Variants in MCM5 observed in about 807,000 individuals in gnomAD.
MCM5 encodes the protein DNA replication licensing factor MCM5.
MCM5 carries 46 observed loss-of-function variants against 79.9 expected under a neutral mutation model. That is an observed-to-expected ratio of 0.58 (90% CI 0.45 to 0.74). MCM5 has a LOEUF of 0.74. Among genes scored for constraint, MCM5 ranks in the 30% least tolerant of loss-of-function variants. The probability of loss-of-function intolerance (pLI) is 0.00; values close to 1 mark genes in which losing one functional copy is unlikely to be tolerated. For synonymous variants in MCM5, 404 were observed against 390.5 expected (o/e 1.03, Z -0.41); for missense variants, 883 against 1,017.0 (o/e 0.87, Z 1.79).
rs770893436 is a variant in MCM5, at chr22:35,413,889, T to C, written c.1106T>C (p.Leu369Pro). ...TCGTCCCCCAGGCTCCCTGATGGAC[T>C]TACTCGCCGAGGAGACATCAACCTG... ...GGSRKRLPDG[L>P]TRRGDINLLM... Residue 369 changes from leucine (L) to proline (P), a missense_variant, in exon 9 of 17, where the codon CTT (leucine) becomes CCT (proline). Leu to Pro is a moderately conservative substitution (Grantham distance 98). This residue lies in a region of MCM5 where 455 missense variants were observed against 517.5 expected (regional missense o/e 0.88). Transcript: ENST00000216122. The C allele has an allele frequency of 2.5e-6, 4 of 1,611,372 alleles. No individual in the cohort carries two copies. Among genetic ancestry groups the C allele is most frequent in the Non-Finnish European group, 2.5e-6 (3 of 1,177,460 alleles).
At chr22:35,423,051 TCTC>T (rs1932734229) in intron 15 of MCM5, 160 bp from the exon 16 acceptor site, 1 of 584,104 alleles carries the variant, frequency 1.7e-6, no homozygotes, top group South Asian at 2.9e-5. Flanking sequence ...CCATATCCTG[TCTC>T]CTCAATCAGG....
Position 35,400,422 on chromosome 22 carries a change from C to A in MCM5, c.-8-9C>A. Reference sequence around the variant, plus strand: ...CCCAGCCTGTTCTGGCCGTTTGTTCCCACCCCAGGCGCAGTCATGTCGGGA... The same window carrying A: ...CCCAGCCTGTTCTGGCCGTTTGTTCACACCCCAGGCGCAGTCATGTCGGGA... On this transcript the variant is annotated splice_polypyrimidine_tract_variant and intron_variant, in intron 1 of 16. Coordinates refer to ENST00000216122, the MANE Select transcript of MCM5 (RefSeq NM_006739.4). The A allele has an allele frequency of 1.2e-6, 2 of 1,613,970 alleles. No individual in the cohort carries two copies. Among genetic ancestry groups the A allele is most frequent in the Non-Finnish European group, 1.7e-6 (2 of 1,179,910 alleles).
In MCM5 at chr22:35,410,862, A is replaced by G. The variant is rs1482831731; in HGVS notation, c.871A>G (p.Ser291Gly). 6 of 1,613,132 alleles carry G rather than the reference A, an allele frequency of 3.7e-6. No individual in the cohort carries two copies. Among genetic ancestry groups the G allele is most frequent in the Non-Finnish European group, 5.1e-6 (6 of 1,179,370 alleles). ...TGACAGGGTGGGCGTGGGCATCCGA[A>G]GCTCCTACATCCGTGTCCTGGGCAT... ...GRDRVGVGIR[S>G]SYIRVLGIQV... Residue 291 changes from serine (S) to glycine (G), a missense_variant, in exon 7 of 17, where the codon AGC becomes GGC. Transcript: ENST00000216122.
chr22:35,410,974 A>G, intron 7 of MCM5, 64 bp downstream of exon 7: 1 of 1,475,396 alleles, frequency 6.8e-7, no homozygotes, highest in East Asian at 2.3e-5. Flanking sequence ...ACTTCTGGTA[A>G]CAGGCAGCTC....
rs1163184534 is a variant in MCM5 at position 35,416,472 on chromosome 22, C to T, written c.1413+68C>T. 16 of 1,537,278 alleles carry T rather than the reference C, an allele frequency of 1.0e-5. No homozygotes were observed. The Admixed American group carries it at 2.4e-4, about 23-fold the overall frequency. ...CGTGGCCCAACCGTCCTCAGGCTGC[C>T]CTGATTGGGACCAAGTTCTCTTTGC... On this transcript the variant is annotated intron_variant, in intron 11 of 16. Coordinates refer to ENST00000216122, the MANE Select transcript of MCM5 (RefSeq NM_006739.4).
At chr22:35,443,561 G>C in the MCM5 span, among the ~76,000 whole-genome samples, 2 of 152,206 alleles carry the variant, frequency 1.3e-5, no homozygotes, top group South Asian at 2.1e-4. Context: ...ACCCTGGTCT[G>C]GCCTGTGAAT....
downstream of MCM5, among the ~76,000 whole-genome samples, chr22:35,426,863 GTC>G (rs1206896912): frequency 1.3e-5 from 2 of 152,164 alleles, no homozygotes; most frequent in African/African-American, 4.8e-5. Context: ...GGCTGCATGG[GTC>G]TCTCAACTTC....
In MCM5 at chr22:35,412,645, C is replaced by T; in HGVS notation, c.1055C>T (p.Ala352Val). 2.0e-6 allele frequency: 3 copies of T among 1,535,104 alleles called. No homozygotes were observed. The highest frequency in any genetic ancestry group is 2.6e-6 in the Non-Finnish European group (3 of 1,134,648). The change falls in exon 8 of 17, where the codon GCC becomes GTC. Residue 352 changes from alanine (A) to valine (V), a missense_variant. Ala to Val is a moderately conservative substitution (Grantham distance 64). Around this residue, in one of 3 missense-constraint regions of MCM5, gnomAD observed 455 missense variants for 517.5 expected, o/e 0.88. Coordinates refer to ENST00000216122, the MANE Select transcript of MCM5 (RefSeq NM_006739.4). ...SIFGGTDMKK[A>V]IACLLFGGSR... ...TTTGGGGGCACAGACATGAAGAAGG[C>T]CATTGCCTGCCTGCTCTTTGGGGGC... is the stretch of plus-strand genomic sequence containing the variant.
At chr22:35,410,594 C>T (rs759043151) in intron 6 of MCM5, 150 bp from the exon 7 acceptor site, 2 of 742,848 alleles carry the variant, frequency 2.7e-6, no homozygotes, top group Non-Finnish European at 4.9e-6. Context: ...GTTCTCTGGG[C>T]TCCGTGGGGC....
chr22:35,423,111 C>CG (rs1400309004), intron 15 of MCM5, 103 bp from the exon 16 acceptor site: 1 of 1,319,252 alleles, frequency 7.6e-7, no homozygotes, highest in Non-Finnish European at 1.0e-6. Flanking sequence ...ACTTACTCTT[C>CG]GGGGCCTGGC....
chr22:35,406,436 C>T (rs2145786070), intron 4 of MCM5, 117 bp from the exon 5 acceptor site: 1 of 888,334 alleles, frequency 1.1e-6, no homozygotes, highest in African/African-American at 1.7e-5. Flanking sequence ...GAGCTGTGGC[C>T]CTCCCTGCAG....
chr22:35,406,771 G>C (rs763036198), intron 5 of MCM5, 46 bp downstream of exon 5: 1 of 1,584,072 alleles, frequency 6.3e-7, no homozygotes, highest in Admixed American at 1.7e-5. Context: ...CCTGAGTGAA[G>C]ATCAGAAAGG....
chr22:35,441,499 A>C, the MCM5 span, among the ~76,000 whole-genome samples: 1 of 152,184 alleles, frequency 6.6e-6, no homozygotes, highest in Non-Finnish European at 1.5e-5. Flanking sequence ...ACACAGCCCC[A>C]TAGAGTAGGT....
downstream of MCM5, among the ~76,000 whole-genome samples, chr22:35,427,496 A>ATT (rs753028521): frequency 3.4e-4 from 45 of 133,622 alleles, no homozygotes; most frequent in African/African-American, 4.7e-4. Flanking sequence ...TATTTAACAC[A>ATT]TTTTTTTTTT....
In MCM5 at chr22:35,408,597, G is replaced by A. The variant is rs748170155; in HGVS notation, c.752+34G>A. Reference sequence around the variant, plus strand: ...GACGGGCTGGGAGGTGGGCATCTACGACGGTGGATGTCCCAGCTGTGGCCC... The same window carrying A: ...GACGGGCTGGGAGGTGGGCATCTACAACGGTGGATGTCCCAGCTGTGGCCC... On this transcript the variant is annotated intron_variant, in intron 6 of 16. Transcript: ENST00000216122. 16 of 1,588,092 alleles carry A rather than the reference G, an allele frequency of 1.0e-5. No homozygotes were observed. In the African/African-American group the frequency reaches 1.1e-4, roughly 11 times the overall value.
the MCM5 span, among the ~76,000 whole-genome samples, chr22:35,436,026 G>A: frequency 6.6e-6 from 1 of 151,962 alleles, no homozygotes. Context: ...AATTAGCTGG[G>A]CATGGTGGTG....
chr22:35,417,973 T>G, intron 13 of MCM5, 117 bp downstream of exon 13: 1 of 702,006 alleles, frequency 1.4e-6, no homozygotes, highest in Non-Finnish European at 2.6e-6. Flanking sequence ...GTTGCTGTTC[T>G]GAGGTTCTCA....
intron 12 of MCM5, 36 bp from the exon 13 acceptor site, chr22:35,417,708 C>T: frequency 6.8e-7 from 1 of 1,462,818 alleles, no homozygotes; most frequent in Non-Finnish European, 9.6e-7. Context: ...CTTGGGACGG[C>T]CTGTGGGATG....
chr22:35,420,027 A>G lies in MCM5; in HGVS notation c.1832+15A>G, dbSNP rs767844843. ...ATCACTGTGCGGTGAGCAGGCGGGC[A>G]GGGCTGGGCCATGGCAGATGGGGCT... is the stretch of plus-strand genomic sequence containing the variant. On this transcript the variant is annotated intron_variant, in intron 14 of 16. Coordinates refer to ENST00000216122, the MANE Select transcript of MCM5 (RefSeq NM_006739.4). 13 of 1,597,564 alleles carry G rather than the reference A, an allele frequency of 8.1e-6. No homozygotes were observed. In the African/African-American group the frequency reaches 1.7e-4, roughly 21 times the overall value.
Sources: allele counts gnomAD v4.1 joint callset (sites outside exome capture counted in the v4.1 genomes callset), GRCh38; gene constraint gnomAD v4.1.1; regional missense constraint gnomAD v4.1.1; transcripts MANE v1.5; gene names NCBI Gene and HGNC (gene_info 2026-07-23, HGNC 2026-07-21).